The following ARL13B variants were observed in gnomAD, a reference collection of about 807,000 sequenced individuals.
The protein encoded by ARL13B is ARF like GTPase 13B.
In ARL13B, 36 loss-of-function variants were observed where a neutral mutation model predicts 56.1. That is an observed-to-expected ratio of 0.64 (90% CI 0.49 to 0.85). The LOEUF (loss-of-function observed/expected upper bound fraction) is 0.85. Among genes scored for constraint, ARL13B ranks in the 40% least tolerant of loss-of-function variants. The pLI, the probability that ARL13B is intolerant of heterozygous loss-of-function variation, is 0.00. For synonymous variants in ARL13B, 178 were observed against 171.1 expected, an observed-to-expected ratio of 1.04 and a Z score of -0.32; for missense variants, 519 against 507.1, an observed-to-expected ratio of 1.02 and a Z score of -0.23.
rs150516742 is a variant in ARL13B at position 94,031,896 on chromosome 3, A to G, written c.381-3435A>G. On this transcript the variant is annotated intron_variant, in intron 3 of 9. Coordinates refer to ENST00000394222, the MANE Select transcript of ARL13B (RefSeq NM_001174150.2). ...CCATATGCAGAAGAATGAAACTGGA[A>G]CCCTGTCTCTCACCATATACAAAAA... Among the ~76,000 whole-genome samples, 964 of 152,226 alleles carry G rather than the reference A, an allele frequency of 6.3e-3. 15 individuals carry two copies. Among genetic ancestry groups the G allele is most frequent in the African/African-American group, 0.022 (925 of 41,542 alleles).
intron 1 of ARL13B, among the ~76,000 whole-genome samples, chr3:93,994,939 CTATACTCCA>C (rs770749433): frequency 6.6e-6 from 1 of 152,076 alleles, no homozygotes; most frequent in Non-Finnish European, 1.5e-5. Flanking sequence ...AGAGGAATAA[CTATACTCCA>C]TAGGAGATTG....
At chr3:94,012,802 T>C (rs185963878) in intron 3 of ARL13B, among the ~76,000 whole-genome samples, 45 of 152,316 alleles carry the variant, frequency 3.0e-4, no homozygotes, top group South Asian at 6.2e-4. Context: ...GCATTAACTT[T>C]CTAATTGTTT....
At chr3:93,985,283 A>G (rs1684887444) in intron 1 of ARL13B, among the ~76,000 whole-genome samples, 1 of 152,224 alleles carries the variant, frequency 6.6e-6, no homozygotes, top group Non-Finnish European at 1.5e-5. Flanking sequence ...GCCTTATAGC[A>G]GATTCTAACC....
chr3:94,001,594 T>A (rs552185101), intron 2 of ARL13B, among the ~76,000 whole-genome samples: 3 of 152,304 alleles, frequency 2.0e-5, no homozygotes, highest in South Asian at 4.1e-4. Flanking sequence ...TTATTTTTTT[T>A]AAAGAACATA....
chr3:94,018,398 C>T (rs1199004846), intron 3 of ARL13B, among the ~76,000 whole-genome samples: 1 of 152,136 alleles, frequency 6.6e-6, no homozygotes, highest in Non-Finnish European at 1.5e-5. Flanking sequence ...TTTCTTGAGA[C>T]ACTTTGAAGA....
At chr3:94,008,217 TTC>T (rs2076166121) in intron 3 of ARL13B, among the ~76,000 whole-genome samples, 1 of 152,206 alleles carries the variant, frequency 6.6e-6, no homozygotes, top group South Asian at 2.1e-4. Context: ...AAAGTCCTTT[TTC>T]TCTCACATCA....
intron 3 of ARL13B, among the ~76,000 whole-genome samples, chr3:94,009,768 C>G (rs193061001): frequency 6.6e-6 from 1 of 152,166 alleles, no homozygotes; most frequent in East Asian, 1.9e-4. Flanking sequence ...GTTGACTCAT[C>G]TCCAGATGTC....
intron 3 of ARL13B, among the ~76,000 whole-genome samples, chr3:94,019,152 C>G (rs1477310403): frequency 1.3e-5 from 2 of 152,058 alleles, no homozygotes; most frequent in African/African-American, 4.8e-5. Flanking sequence ...GTATTTGGAT[C>G]TAGCCACCTC....
At chr3:94,016,614 A>G (rs147120141) in intron 3 of ARL13B, among the ~76,000 whole-genome samples, 29 of 152,084 alleles carry the variant, frequency 1.9e-4, no homozygotes, top group African/African-American at 4.6e-4. Context: ...AATAGTGTCT[A>G]TGAAAGTATT....
intron 1 of ARL13B, among the ~76,000 whole-genome samples, chr3:93,995,206 A>T (rs1276456631): frequency 6.6e-6 from 1 of 152,094 alleles, no homozygotes; most frequent in African/African-American, 2.4e-5. Flanking sequence ...AATCCCTACG[A>T]GTTAGGTGAA....
intron 2 of ARL13B, among the ~76,000 whole-genome samples, chr3:94,001,293 C>T (rs145448223): frequency 0.014 from 2,093 of 152,248 alleles, 18 homozygotes; most frequent in Non-Finnish European, 0.022. Context: ...GTCCTGAAGA[C>T]CTCTGTTTGA....
intron 3 of ARL13B, among the ~76,000 whole-genome samples, chr3:94,010,675 G>A (rs1233432137): frequency 1.3e-5 from 2 of 151,892 alleles, no homozygotes; most frequent in African/African-American, 4.8e-5. Context: ...TTAGATTAAG[G>A]TGATACTAAT....
intron 7 of ARL13B, chr3:94,048,192 CA>C (rs2077012393): frequency 6.6e-6 from 1 of 152,230 alleles, no homozygotes; most frequent in Non-Finnish European, 1.5e-5. Flanking sequence ...CAAAAAAATA[CA>C]AAAATTAGCA....
rs781266684 is a variant in ARL13B at position 93,980,356 on chromosome 3, C to T, written c.-68C>T. 2 of 1,595,036 alleles carry T rather than the reference C, an allele frequency of 1.3e-6. No individual in the cohort carries two copies. The highest frequency in any genetic ancestry group is 1.1e-5 in the South Asian group (1 of 90,860). ...GGCGTCTCGGAGTGCCGGAGGCCCC[C>T]GGGGAAGAGCGGGGTGCCGGTGTCC... On this transcript the variant is annotated 5_prime_UTR_variant, in exon 1 of 10. Transcript: ENST00000394222.
chr3:94,039,194 G>T (rs1434522292), intron 5 of ARL13B, among the ~76,000 whole-genome samples: 2 of 152,028 alleles, frequency 1.3e-5, no homozygotes, highest in African/African-American at 2.4e-5. Context: ...CTTAAGAAAA[G>T]AATTAATAAG....
At chr3:94,014,524 T>C (rs1314294376) in intron 3 of ARL13B, 1 of 1,612,860 alleles carries the variant, frequency 6.2e-7, no homozygotes, top group East Asian at 2.2e-5. Flanking sequence ...CATTTCAATA[T>C]TGTTGATGCT....
intron 5 of ARL13B, among the ~76,000 whole-genome samples, chr3:94,038,185 C>G (rs925690604): frequency 1.3e-5 from 2 of 152,076 alleles, no homozygotes; most frequent in African/African-American, 4.8e-5. Context: ...AATGACTATC[C>G]TATGAGAAAG....
intron 3 of ARL13B, among the ~76,000 whole-genome samples, chr3:94,006,598 C>G (rs2076139907): frequency 6.6e-6 from 1 of 152,176 alleles, no homozygotes; most frequent in Admixed American, 6.5e-5. Context: ...AAGCTCTCCT[C>G]TACACTGCCA....
At chr3:94,017,237 G>A (rs1300373910) in intron 3 of ARL13B, among the ~76,000 whole-genome samples, 3 of 152,168 alleles carry the variant, frequency 2.0e-5, no homozygotes, top group Non-Finnish European at 4.4e-5. Flanking sequence ...GTATACAGCT[G>A]TCTTCTAAAC....
Sources: gnomAD v4.1 joint callset for allele counts (sites outside exome capture counted in the v4.1 genomes callset) on GRCh38, gnomAD v4.1.1 for gene constraint, MANE v1.5 for transcripts, NCBI Gene and HGNC (gene_info 2026-07-23, HGNC 2026-07-21) for gene names.